YPEL2: variants seen among roughly 807,000 people sequenced by gnomAD.
YPEL2 encodes yippee like 2.
Under a neutral mutation model 19.1 loss-of-function variants are expected in YPEL2, and 2 were observed. That is an observed-to-expected ratio of 0.10 (90% confidence interval 0.04 to 0.33). The LOEUF is 0.33. Ranked by LOEUF, YPEL2 falls within the 10% of genes least tolerant of loss-of-function variation. The pLI, the probability that YPEL2 is intolerant of heterozygous loss-of-function variation, is 1.00. For missense variants in YPEL2, 66 were observed against 140.7 expected (o/e 0.47, Z 2.68); for synonymous variants, 52 against 50.0 (o/e 1.04, Z -0.17).
chr17:59,375,146 A>G (rs1346841772), intron 2 of YPEL2, among the ~76,000 whole-genome samples: 2 of 152,144 alleles, frequency 1.3e-5, no homozygotes, highest in Non-Finnish European at 2.9e-5. Flanking sequence ...TTTGGTAGAA[A>G]TGTGGGGGAG....
At chr17:59,345,760 T>A (rs534755105) in intron 1 of YPEL2, among the ~76,000 whole-genome samples, 1 of 152,280 alleles carries the variant, frequency 6.6e-6, no homozygotes, top group East Asian at 1.9e-4. Context: ...TCTCCCTCAC[T>A]GGTAAGGGTG....
At chr17:59,394,104 C>G (rs1464299831) in intron 4 of YPEL2, among the ~76,000 whole-genome samples, 1 of 148,680 alleles carries the variant, frequency 6.7e-6, no homozygotes, top group Non-Finnish European at 1.5e-5. Flanking sequence ...GCAGAGGAGC[C>G]CCTCACCTCC....
At chr17:59,342,976 A>G (rs2047739024) in intron 1 of YPEL2, among the ~76,000 whole-genome samples, 1 of 152,194 alleles carries the variant, frequency 6.6e-6, no homozygotes, top group Admixed American at 6.5e-5. Context: ...GCATACACAG[A>G]CTGTGTGAAG....
At chr17:59,366,540 CCAGCCGAGTCGGG>C (rs1164244438) in intron 2 of YPEL2, among the ~76,000 whole-genome samples, 1 of 152,172 alleles carries the variant, frequency 6.6e-6, no homozygotes, top group Non-Finnish European at 1.5e-5. Context: ...CTGAGCTAGC[CCAGCCGAGTCGGG>C]CAGCCCCTTG....
At chr17:59,396,306 G>A (rs2048039023) in intron 4 of YPEL2, among the ~76,000 whole-genome samples, 1 of 152,238 alleles carries the variant, frequency 6.6e-6, no homozygotes, top group Admixed American at 6.5e-5. Context: ...CTACAGCCAT[G>A]AGCTAAACAT....
intron 4 of YPEL2, among the ~76,000 whole-genome samples, chr17:59,391,296 C>A (rs963625065): frequency 3.3e-5 from 5 of 152,130 alleles, no homozygotes. Context: ...ATGTTCTAAT[C>A]TGGTGTGGGA....
chr17:59,401,660 G>A lies in YPEL2; in HGVS notation c.*4470G>A, dbSNP rs1028790758. Reference sequence around the variant, plus strand: ...TAGTGATTCAGTATTAGAGAAAAGTGCATTGTTTCTGTCATATTTCCAATC... The same window carrying A: ...TAGTGATTCAGTATTAGAGAAAAGTACATTGTTTCTGTCATATTTCCAATC... On this transcript the variant is annotated 3_prime_UTR_variant, in exon 5 of 5. Transcript: ENST00000312655. 1 of 152,622 alleles carries A rather than the reference G, an allele frequency of 6.6e-6. No homozygotes were observed. The highest frequency in any genetic ancestry group is 2.4e-5 in the African/African-American group (1 of 41,442). The allele number at this position is 152,622 out of a possible 1,614,324, so 9.5% of individuals were successfully genotyped here. A position where few individuals can be genotyped will look rare whatever the true frequency, so the allele number is the denominator to read the frequency against.
intron 1 of YPEL2, among the ~76,000 whole-genome samples, chr17:59,342,659 C>T (rs2047737507): frequency 6.6e-6 from 1 of 152,122 alleles, no homozygotes; most frequent in African/African-American, 2.4e-5. Context: ...TGATCAAATA[C>T]AAAAGGAAGG....
At chr17:59,378,219 C>G (rs1033759956) in intron 2 of YPEL2, among the ~76,000 whole-genome samples, 1 of 152,128 alleles carries the variant, frequency 6.6e-6, no homozygotes, top group Non-Finnish European at 1.5e-5. Flanking sequence ...TTAGTTCCCC[C>G]AAAACACTTC....
chr17:59,378,162 T>C (rs1316863493), intron 2 of YPEL2, among the ~76,000 whole-genome samples: 2 of 152,058 alleles, frequency 1.3e-5, no homozygotes, highest in Non-Finnish European at 2.9e-5. Flanking sequence ...ACAGATCTTA[T>C]AGGATCTCTC....
At chr17:59,346,078 A>C (rs1181470479) in intron 1 of YPEL2, among the ~76,000 whole-genome samples, 1 of 152,132 alleles carries the variant, frequency 6.6e-6, no homozygotes, top group Admixed American at 6.5e-5. Flanking sequence ...GGAGAGTAGG[A>C]TGGGGAAGGA....
At chr17:59,392,273 A>G (rs73996437) in intron 4 of YPEL2, among the ~76,000 whole-genome samples, 3 of 152,328 alleles carry the variant, frequency 2.0e-5, no homozygotes, top group Non-Finnish European at 2.9e-5. Context: ...AGGTAAAACA[A>G]TTCATTCTTT....
chr17:59,378,502 G>A (rs1241733206), intron 2 of YPEL2, among the ~76,000 whole-genome samples: 2 of 151,942 alleles, frequency 1.3e-5, no homozygotes, highest in Non-Finnish European at 2.9e-5. Context: ...ACACCACCAC[G>A]CCCAGCTAAT....
At chr17:59,352,062 C>T (rs2047790033) in intron 1 of YPEL2, among the ~76,000 whole-genome samples, 1 of 152,184 alleles carries the variant, frequency 6.6e-6, no homozygotes. Flanking sequence ...TGCAGGCTTT[C>T]TCTAAAGATC....
At chr17:59,380,550 A>G (rs1229635532) in intron 2 of YPEL2, among the ~76,000 whole-genome samples, 1 of 152,212 alleles carries the variant, frequency 6.6e-6, no homozygotes, top group Admixed American at 6.5e-5. Flanking sequence ...GATTACAAGC[A>G]TGAGCCACCA....
chr17:59,388,976 T>C, intron 3 of YPEL2: 1 of 276,784 alleles, frequency 3.6e-6, no homozygotes, highest in South Asian at 5.0e-5. Context: ...TGCTATCATG[T>C]GTGGCATCTT....
At chr17:59,354,084 T>C (rs1451161881) in intron 2 of YPEL2, 3 of 164,646 alleles carry the variant, frequency 1.8e-5, no homozygotes, top group South Asian at 1.6e-4. Flanking sequence ...TTGATCATGA[T>C]CAGAAGAATG....
intron 1 of YPEL2, among the ~76,000 whole-genome samples, chr17:59,341,803 G>A (rs577082237): frequency 6.6e-6 from 1 of 152,306 alleles, no homozygotes; most frequent in South Asian, 2.1e-4. Context: ...AAATCTATCT[G>A]CTATTCCCAT....
intron 2 of YPEL2, among the ~76,000 whole-genome samples, chr17:59,372,027 G>A (rs2047899686): frequency 6.6e-6 from 1 of 152,122 alleles, no homozygotes; most frequent in African/African-American, 2.4e-5. Context: ...ATTATGTGGA[G>A]TACTTGATAT....
Sources: allele counts gnomAD v4.1 joint callset (sites outside exome capture counted in the v4.1 genomes callset), GRCh38; gene constraint gnomAD v4.1.1; transcripts MANE v1.5; gene names NCBI Gene and HGNC (gene_info 2026-07-23, HGNC 2026-07-21).